The following SLC8A3 variants were observed in gnomAD, a reference collection of about 807,000 sequenced individuals.
SLC8A3 encodes solute carrier family 8 member A3.
SLC8A3 carries 37 observed loss-of-function variants against 65.4 expected under a neutral mutation model. That is an observed-to-expected ratio of 0.57 (90% CI 0.44 to 0.74). SLC8A3 has a LOEUF of 0.74. SLC8A3 is among the 30% of genes least tolerant of loss of function. The probability of loss-of-function intolerance (pLI) is 0.00; values close to 1 mark genes in which losing one functional copy is unlikely to be tolerated. For missense variants in SLC8A3, 1,112 were observed against 1,172.1 expected (o/e 0.95, Z 0.75); for synonymous variants, 461 against 444.5 (o/e 1.04, Z -0.47).
At chr14:70,179,729 T>C (rs1437675042) in intron 1 of SLC8A3, among the ~76,000 whole-genome samples, 1 of 152,220 alleles carries the variant, frequency 6.6e-6, no homozygotes, top group Non-Finnish European at 1.5e-5. Flanking sequence ...ATAATGATAA[T>C]CAGCATTTAT....
At chr14:70,125,885 T>C (rs979457633) in intron 2 of SLC8A3, among the ~76,000 whole-genome samples, 1 of 152,208 alleles carries the variant, frequency 6.6e-6, no homozygotes, top group Non-Finnish European at 1.5e-5. Context: ...TGAGAACCAC[T>C]GGTTTAAGGA....
In SLC8A3 at chr14:70,051,051, A is replaced by G; in HGVS notation, c.2070T>C (p.His690=). The G allele has an allele frequency of 1.2e-6, 2 of 1,613,164 alleles. No individual in the cohort carries two copies. The highest frequency in any genetic ancestry group is 1.7e-6 in the Non-Finnish European group (2 of 1,179,262). ...KTNLALVVGT[H]SWRDQFMEAI... Reference sequence around the variant, plus strand: ...CCTCCATGAACTGGTCCCTCCAGGAATGGGTCCCCACAACCAAGGCCAGGT... The same window carrying G: ...CCTCCATGAACTGGTCCCTCCAGGAGTGGGTCCCCACAACCAAGGCCAGGT... Residue 690 remains histidine, a synonymous_variant, in exon 5 of 7, where the codon CAT becomes CAC. Transcript: ENST00000356921.
chr14:70,148,558 G>T (rs17107846), intron 2 of SLC8A3, among the ~76,000 whole-genome samples: 10 of 152,156 alleles, frequency 6.6e-5, no homozygotes, highest in Non-Finnish European at 1.2e-4. Flanking sequence ...AAACATGGGG[G>T]TGTGAGCCAG....
intron 2 of SLC8A3, among the ~76,000 whole-genome samples, chr14:70,108,289 A>T (rs1308497247): frequency 2.6e-5 from 4 of 151,994 alleles, no homozygotes; most frequent in African/African-American, 9.7e-5. Context: ...AGTCCCAGCT[A>T]CTTGGGAGGC....
At chr14:70,110,321 A>T (rs867488348) in intron 2 of SLC8A3, among the ~76,000 whole-genome samples, 5 of 71,706 alleles carry the variant, frequency 7.0e-5, no homozygotes, top group South Asian at 4.9e-4. Context: ...TAACCATCCC[A>T]CCCTCCCCCT....
intron 1 of SLC8A3, among the ~76,000 whole-genome samples, chr14:70,177,768 A>G (rs77186228): frequency 0.01 from 1,553 of 152,316 alleles, 22 homozygotes; most frequent in African/African-American, 0.035. Context: ...CTTGGAGGCA[A>G]TAAGGAAGCA....
intron 2 of SLC8A3, among the ~76,000 whole-genome samples, chr14:70,142,209 G>T (rs1167558056): frequency 2.0e-5 from 3 of 152,232 alleles, no homozygotes; most frequent in Admixed American, 6.5e-5. Flanking sequence ...GCAAAAGACA[G>T]GTTTCCAATC....
chr14:70,091,646 C>T (rs577542322), intron 2 of SLC8A3, among the ~76,000 whole-genome samples: 39 of 152,242 alleles, frequency 2.6e-4, no homozygotes, highest in African/African-American at 6.3e-4. Flanking sequence ...AAGCTTGGTG[C>T]TTTTGATCAT....
intron 5 of SLC8A3, 131 bp from the exon 6 acceptor site, chr14:70,049,173 G>A: frequency 1.1e-6 from 1 of 917,442 alleles, no homozygotes; most frequent in South Asian, 1.7e-5. Flanking sequence ...TGGGCAGCTG[G>A]TGGGGGCCAG....
intron 5 of SLC8A3, among the ~76,000 whole-genome samples, chr14:70,049,326 AGT>A (rs1887192405): frequency 1.3e-5 from 2 of 152,344 alleles, no homozygotes; most frequent in African/African-American, 4.8e-5. Flanking sequence ...GGGACAAGAC[AGT>A]GGAGCAGAAA....
At chr14:70,143,226 C>T (rs1056993208) in intron 2 of SLC8A3, among the ~76,000 whole-genome samples, 1 of 152,200 alleles carries the variant, frequency 6.6e-6, no homozygotes, top group Non-Finnish European at 1.5e-5. Flanking sequence ...GAGGCCTGTG[C>T]AAGTGCTTAT....
At chr14:70,093,278 C>T (rs755351447) in intron 2 of SLC8A3, among the ~76,000 whole-genome samples, 1 of 152,138 alleles carries the variant, frequency 6.6e-6, no homozygotes, top group African/African-American at 2.4e-5. Context: ...ATGAGAGAGA[C>T]CATAGCATGC....
chr14:70,105,552 A>T (rs1892815825), intron 2 of SLC8A3, among the ~76,000 whole-genome samples: 1 of 152,164 alleles, frequency 6.6e-6, no homozygotes, highest in South Asian at 2.1e-4. Flanking sequence ...ACAAGGTAAG[A>T]TAGAAAATAT....
rs1171326424 is a variant in SLC8A3, at chr14:70,074,227, TG to T, written c.1785-13289del. On this transcript the variant is annotated intron_variant, in intron 2 of 6. Transcript: ENST00000356921. ...TGTCCCCATTTGGGGTGTGTTGAATTGTGGGTCCCAAAGGGGTTGTCAGAAA... is the reference window on the plus strand; with the variant it reads ...TGTCCCCATTTGGGGTGTGTTGAATTTGGGTCCCAAAGGGGTTGTCAGAAA... Among the ~76,000 whole-genome samples the T allele has an allele frequency of 3.3e-5, 5 of 152,212 alleles. No individual in the cohort carries two copies. The East Asian group carries it at 9.6e-4, about 29-fold the overall frequency.
At chr14:70,103,692 C>CAA (rs991405191) in intron 2 of SLC8A3, among the ~76,000 whole-genome samples, 6 of 148,982 alleles carry the variant, frequency 4.0e-5, no homozygotes, top group African/African-American at 1.5e-4. Flanking sequence ...AAATGGAATA[C>CAA]AAAAAAAAAA....
At chr14:70,105,536 A>G (rs1334908919) in intron 2 of SLC8A3, among the ~76,000 whole-genome samples, 1 of 152,162 alleles carries the variant, frequency 6.6e-6, no homozygotes, top group African/African-American at 2.4e-5. Flanking sequence ...ATTCATCAGA[A>G]TTGTCACAAG....
intron 2 of SLC8A3, among the ~76,000 whole-genome samples, chr14:70,114,483 C>G (rs1893528021): frequency 6.6e-6 from 1 of 152,182 alleles, no homozygotes; most frequent in Non-Finnish European, 1.5e-5. Flanking sequence ...TCACATACAC[C>G]TGCTCTGATT....
intron 2 of SLC8A3, among the ~76,000 whole-genome samples, chr14:70,118,234 G>T (rs919247316): frequency 6.6e-6 from 1 of 152,232 alleles, no homozygotes; most frequent in Admixed American, 6.5e-5. Flanking sequence ...AAAAATGCCA[G>T]TGTTACTTAT....
At chr14:70,181,093 A>G (rs1882712056) in intron 1 of SLC8A3, among the ~76,000 whole-genome samples, 1 of 152,214 alleles carries the variant, frequency 6.6e-6, no homozygotes, top group Admixed American at 6.5e-5. Context: ...GAGGAGCATA[A>G]AAGTCAACAC....
Sources: allele counts gnomAD v4.1 joint callset (sites outside exome capture counted in the v4.1 genomes callset), GRCh38; gene constraint gnomAD v4.1.1; transcripts MANE v1.5; gene names NCBI Gene and HGNC (gene_info 2026-07-23, HGNC 2026-07-21).